The following VPS54 variants were observed in gnomAD, a reference collection of about 807,000 sequenced individuals.
VPS54 encodes the protein vacuolar protein sorting-associated protein 54.
Under a neutral mutation model 121.5 loss-of-function variants are expected in VPS54, and 45 were observed. The observed-to-expected ratio is 0.37, with a 90% CI of 0.29 to 0.47. VPS54 has a LOEUF of 0.47. VPS54 is among the 20% of genes least tolerant of loss of function. VPS54 has a pLI of 0.99. For missense variants in VPS54, 1,090 were observed against 1,131.4 expected, an observed-to-expected ratio of 0.96 and a Z score of 0.52; for synonymous variants, 371 against 385.8, an observed-to-expected ratio of 0.96 and a Z score of 0.45.
At chr2:63,944,023 C>G (rs1055796631) in intron 10 of VPS54, among the ~76,000 whole-genome samples, 1 of 151,278 alleles carries the variant, frequency 6.6e-6, no homozygotes, top group Non-Finnish European at 1.5e-5. Context: ...TGAGTCAATG[C>G]GCCTGGCCAA....
rs575350997 is a variant in VPS54 at position 63,924,524 on chromosome 2, T to C, written c.1740-3189A>G. ...GAGAAATTAATCTCCCAGATATTAA[T>C]ATGGATTAAAAAGCTACAGTTGCTG... is the stretch of plus-strand genomic sequence containing the variant. On this transcript the variant is annotated intron_variant, in intron 12 of 22. Transcript: ENST00000272322. Among the ~76,000 whole-genome samples the C allele has an allele frequency of 2.0e-4, 31 of 152,206 alleles. No individual in the cohort carries two copies. In the South Asian group the frequency reaches 6.4e-3, roughly 32 times the overall value.
At chr2:63,930,092 G>C (rs185942418) in intron 12 of VPS54, among the ~76,000 whole-genome samples, 8 of 150,044 alleles carry the variant, frequency 5.3e-5, no homozygotes, top group Admixed American at 2.0e-4. Flanking sequence ...GTACGAGGAA[G>C]AGCTAGTACC....
At chr2:63,931,970 C>T (rs1252456341) in intron 12 of VPS54, among the ~76,000 whole-genome samples, 1 of 152,184 alleles carries the variant, frequency 6.6e-6, no homozygotes, top group Non-Finnish European at 1.5e-5. Flanking sequence ...CATCTCACTC[C>T]AGTTAGAATG....
intron 12 of VPS54, among the ~76,000 whole-genome samples, chr2:63,925,589 C>A (rs1285870560): frequency 6.6e-6 from 1 of 152,142 alleles, no homozygotes; most frequent in Admixed American, 6.5e-5. Context: ...ATGAAAATAA[C>A]CCAAATCTTA....
intron 20 of VPS54, among the ~76,000 whole-genome samples, chr2:63,911,896 A>G (rs1166297929): frequency 1.3e-5 from 2 of 152,184 alleles, no homozygotes; most frequent in African/African-American, 2.4e-5. Flanking sequence ...TTTTCTGAAG[A>G]TACTCTCCCA....
chr2:63,934,330 A>T (rs573410526), intron 11 of VPS54, among the ~76,000 whole-genome samples: 1 of 152,324 alleles, frequency 6.6e-6, no homozygotes, highest in African/African-American at 2.4e-5. Flanking sequence ...TAACTTGCCC[A>T]TCAGAGAATC....
rs1677370437 is a variant in VPS54 at position 63,992,401 on chromosome 2, G to T, written c.-20-8382C>A. Among the ~76,000 whole-genome samples, 5 of 152,178 alleles carry T rather than the reference G, an allele frequency of 3.3e-5. No individual in the cohort carries two copies. In the South Asian group the frequency reaches 1.0e-3, roughly 32 times the overall value. On this transcript the variant is annotated intron_variant, in intron 1 of 22. Transcript: ENST00000272322. ...ATGGAAAACATGCGGTATGTTCCTG[G>T]ACTCCGTCTCCGTCCAAAACATGAA...
chr2:63,964,786 A>G (rs1352500765), intron 6 of VPS54, among the ~76,000 whole-genome samples: 1 of 152,176 alleles, frequency 6.6e-6, no homozygotes, highest in African/African-American at 2.4e-5. Context: ...TTCCTGAGAC[A>G]AGCTTTCAGA....
At chr2:63,969,808 T>C (rs1676181144) in intron 4 of VPS54, among the ~76,000 whole-genome samples, 1 of 152,190 alleles carries the variant, frequency 6.6e-6, no homozygotes, top group Non-Finnish European at 1.5e-5. Context: ...AGACTGAATA[T>C]GGCATGCTAT....
At chr2:63,956,653 T>C (rs561550126) in intron 7 of VPS54, among the ~76,000 whole-genome samples, 1 of 152,212 alleles carries the variant, frequency 6.6e-6, no homozygotes, top group Non-Finnish European at 1.5e-5. Flanking sequence ...TAACTTGCTA[T>C]ATGACCTCAG....
chr2:64,009,494 T>C (rs1001742191), intron 1 of VPS54, among the ~76,000 whole-genome samples: 1 of 152,048 alleles, frequency 6.6e-6, no homozygotes, highest in African/African-American at 2.4e-5. Context: ...CTTTGTATTT[T>C]TAGTATAGAC....
chr2:63,991,612 C>CAAACAG (rs1677322914), intron 1 of VPS54, among the ~76,000 whole-genome samples: 1 of 152,188 alleles, frequency 6.6e-6, no homozygotes, highest in Non-Finnish European at 1.5e-5. Flanking sequence ...TGGCCAAATG[C>CAAACAG]TGCTGCTACT....
intron 12 of VPS54, among the ~76,000 whole-genome samples, chr2:63,927,249 C>T (rs1162276300): frequency 2.0e-5 from 3 of 152,264 alleles, no homozygotes; most frequent in South Asian, 2.1e-4. Context: ...GAGACACCTC[C>T]CAGTAGGGGG....
Position 64,016,519 on chromosome 2 carries a change from A to T in VPS54, c.-21+2419T>A, listed in dbSNP as rs149037734. Among the ~76,000 whole-genome samples, 192 of 152,266 alleles carry T rather than the reference A, an allele frequency of 1.3e-3. 1 individual carries two copies. Among genetic ancestry groups the T allele is most frequent in the African/African-American group, 4.5e-3 (185 of 41,538 alleles). On this transcript the variant is annotated intron_variant, in intron 1 of 22. Transcript: ENST00000272322. Reference sequence around the variant, plus strand: ...AATGGGGAGTAACTGTTAATGGATAAAGGTTTTTTGAGGGAATGATGAAAA... The same window carrying T: ...AATGGGGAGTAACTGTTAATGGATATAGGTTTTTTGAGGGAATGATGAAAA...
chr2:63,999,407 CAT>C (rs937267535), intron 1 of VPS54, among the ~76,000 whole-genome samples: 34 of 152,310 alleles, frequency 2.2e-4, no homozygotes, highest in African/African-American at 8.2e-4. Flanking sequence ...GCATTTGAAA[CAT>C]GTCATGCCAC....
intron 11 of VPS54, among the ~76,000 whole-genome samples, chr2:63,937,549 T>C (rs1024416127): frequency 2.6e-5 from 4 of 152,164 alleles, no homozygotes; most frequent in African/African-American, 7.2e-5. Context: ...GGTGGAAATG[T>C]AAAATGGTAC....
chr2:63,941,276 G>A (rs1334172152), intron 11 of VPS54, among the ~76,000 whole-genome samples: 1 of 152,050 alleles, frequency 6.6e-6, no homozygotes, highest in African/African-American at 2.4e-5. Context: ...CCAGGCTGGA[G>A]TACAGTGGCA....
chr2:63,949,508 A>G (rs1046803764), intron 7 of VPS54, among the ~76,000 whole-genome samples: 1 of 152,234 alleles, frequency 6.6e-6, no homozygotes, highest in South Asian at 2.1e-4. Context: ...CAGTGAACAC[A>G]TTCTTTTCTA....
Position 63,967,129 on chromosome 2 carries a change from T to C in VPS54, c.493-1163A>G, listed in dbSNP as rs187491705. On this transcript the variant is annotated intron_variant, in intron 5 of 22. Coordinates refer to ENST00000272322, the MANE Select transcript of VPS54 (RefSeq NM_016516.3). ...ATTTTTGTACCTCTAACACCTAGCATAGGGCCTAAAACATGGTTTAATCAA... is the reference window on the plus strand; with the variant it reads ...ATTTTTGTACCTCTAACACCTAGCACAGGGCCTAAAACATGGTTTAATCAA... Among the ~76,000 whole-genome samples, 20 of 152,316 alleles carry C rather than the reference T, an allele frequency of 1.3e-4. No homozygotes were observed. The East Asian group carries it at 3.1e-3, about 24-fold the overall frequency.
Sources: gnomAD v4.1 joint callset for allele counts (sites outside exome capture counted in the v4.1 genomes callset) on GRCh38, gnomAD v4.1.1 for gene constraint, MANE v1.5 for transcripts, NCBI Gene and HGNC (gene_info 2026-07-23, HGNC 2026-07-21) for gene names.